NTNG1: variants seen among roughly 807,000 people sequenced by gnomAD.
NTNG1 encodes netrin-G1.
In NTNG1, 16 loss-of-function variants were observed where a neutral mutation model predicts 54.0. That is an observed-to-expected ratio of 0.30 (90% confidence interval 0.20 to 0.45). NTNG1 has a LOEUF of 0.45. Among genes scored for constraint, NTNG1 ranks in the 20% least tolerant of loss-of-function variants. The pLI is 1.00. For synonymous variants in NTNG1, 255 were observed against 263.1 expected (o/e 0.97, Z 0.30); for missense variants, 530 against 678.7 (o/e 0.78, Z 2.43).
chr1:107,447,056 G>A (rs989631506), intron 7 of NTNG1, among the ~76,000 whole-genome samples: 4 of 151,752 alleles, frequency 2.6e-5, no homozygotes, highest in African/African-American at 9.7e-5. Flanking sequence ...CAAAAGCATA[G>A]GATTAACATT....
intron 2 of NTNG1, among the ~76,000 whole-genome samples, chr1:107,214,340 G>C (rs1217552960): frequency 6.6e-6 from 1 of 152,048 alleles, no homozygotes; most frequent in Non-Finnish European, 1.5e-5. Context: ...TCATAGCTTA[G>C]CTCTCACTTA....
Position 107,421,234 on chromosome 1 carries a change from C to T in NTNG1, c.1088-9516C>T. 3 of 881,944 alleles carry T rather than the reference C, an allele frequency of 3.4e-6. No homozygotes were observed. The South Asian group carries it at 4.4e-5, about 13-fold the overall frequency. The allele number at this position is 881,944 out of a possible 1,614,324, so 54.6% of individuals were successfully genotyped here. On this transcript the variant is annotated intron_variant, in intron 5 of 7. Transcript: ENST00000370068. Reference sequence around the variant, plus strand: ...GAATCTGGAATATCTGTGAAGTGTACCCATCAGCTTATTGGTGAGGCATGT... The same window carrying T: ...GAATCTGGAATATCTGTGAAGTGTATCCATCAGCTTATTGGTGAGGCATGT...
At chr1:107,364,740 A>G (rs1335026390) in intron 3 of NTNG1, among the ~76,000 whole-genome samples, 2 of 152,194 alleles carry the variant, frequency 1.3e-5, no homozygotes, top group African/African-American at 4.8e-5. Context: ...ATGCTTATCT[A>G]CTCTGAATCA....
At chr1:107,153,913 A>C (rs780578756) in intron 2 of NTNG1, among the ~76,000 whole-genome samples, 12 of 152,208 alleles carry the variant, frequency 7.9e-5, no homozygotes, top group Non-Finnish European at 1.8e-4. Context: ...GGCAAATGTA[A>C]CAAAACCTAA....
intron 2 of NTNG1, among the ~76,000 whole-genome samples, chr1:107,318,261 C>A (rs1446515749): frequency 6.6e-6 from 1 of 152,154 alleles, no homozygotes; most frequent in Non-Finnish European, 1.5e-5. Flanking sequence ...AGAAGCTCCA[C>A]ACTCTGGATG....
chr1:107,171,284 T>G (rs1656219037), intron 2 of NTNG1, among the ~76,000 whole-genome samples: 1 of 152,106 alleles, frequency 6.6e-6, no homozygotes, highest in African/African-American at 2.4e-5. Context: ...TTTTTTCTCA[T>G]TGTATGTGTG....
intron 2 of NTNG1, among the ~76,000 whole-genome samples, chr1:107,301,747 G>A (rs181988072): frequency 1.3e-5 from 2 of 152,064 alleles, no homozygotes; most frequent in Non-Finnish European, 1.5e-5. Flanking sequence ...CAAGTTCAAC[G>A]TCATTTTAAT....
intron 6 of NTNG1, among the ~76,000 whole-genome samples, chr1:107,434,382 A>C (rs985662015): frequency 6.6e-6 from 1 of 152,210 alleles, no homozygotes; most frequent in Non-Finnish European, 1.5e-5. Context: ...CTCCAAAGAT[A>C]CATGTAATTA....
intron 2 of NTNG1, among the ~76,000 whole-genome samples, chr1:107,198,603 G>A (rs993682446): frequency 2.6e-5 from 4 of 151,804 alleles, no homozygotes; most frequent in African/African-American, 9.7e-5. Flanking sequence ...TGTGTTTTGG[G>A]GAGAGTAAAC....
intron 3 of NTNG1, among the ~76,000 whole-genome samples, chr1:107,356,082 T>G (rs1669916152): frequency 6.6e-6 from 1 of 152,166 alleles, no homozygotes; most frequent in Admixed American, 6.5e-5. Context: ...CTCACCTTTG[T>G]CACCTCAGTG....
intron 7 of NTNG1, among the ~76,000 whole-genome samples, chr1:107,459,758 C>A (rs573562342): frequency 2.0e-5 from 3 of 152,122 alleles, no homozygotes; most frequent in Non-Finnish European, 4.4e-5. Flanking sequence ...TAACCTAGAA[C>A]GTTGCTCAAA....
chr1:107,389,531 C>A (rs1057124932), intron 3 of NTNG1, among the ~76,000 whole-genome samples: 2 of 152,184 alleles, frequency 1.3e-5, no homozygotes, highest in African/African-American at 4.8e-5. Context: ...TGACTCATGA[C>A]AGCTGGTCAC....
At chr1:107,365,879 G>C (rs2100971610) in intron 3 of NTNG1, among the ~76,000 whole-genome samples, 1 of 152,236 alleles carries the variant, frequency 6.6e-6, no homozygotes, top group Middle Eastern at 3.4e-3. Flanking sequence ...AAACAGTATG[G>C]AATTAACCTC....
intron 3 of NTNG1, among the ~76,000 whole-genome samples, chr1:107,341,487 C>A (rs1156555860): frequency 6.6e-6 from 1 of 152,066 alleles, no homozygotes; most frequent in Non-Finnish European, 1.5e-5. Flanking sequence ...AGATTGGCTT[C>A]TTGAGCCCTG....
At chr1:107,408,416 G>A (rs1270663278) in intron 5 of NTNG1, 1 of 153,424 alleles carries the variant, frequency 6.5e-6, no homozygotes, top group Non-Finnish European at 1.5e-5. Context: ...TAATAAATCT[G>A]TTAGTATGAA....
At chr1:107,261,906 C>T (rs1201571744) in intron 2 of NTNG1, among the ~76,000 whole-genome samples, 1 of 152,160 alleles carries the variant, frequency 6.6e-6, no homozygotes, top group Non-Finnish European at 1.5e-5. Context: ...TTGTGAATTC[C>T]ACATTCTCAT....
intron 2 of NTNG1, among the ~76,000 whole-genome samples, chr1:107,259,157 C>T (rs1174342928): frequency 6.6e-6 from 1 of 152,048 alleles, no homozygotes; most frequent in Non-Finnish European, 1.5e-5. Context: ...ATTGTAAGTA[C>T]TTTATTATTC....
intron 2 of NTNG1, among the ~76,000 whole-genome samples, chr1:107,184,132 T>G (rs1657270109): frequency 6.6e-6 from 1 of 152,134 alleles, no homozygotes; most frequent in Non-Finnish European, 1.5e-5. Context: ...CTCATGACTT[T>G]GAAGTCTAGG....
At chr1:107,208,693 A>G (rs1323998235) in intron 2 of NTNG1, among the ~76,000 whole-genome samples, 1 of 152,058 alleles carries the variant, frequency 6.6e-6, no homozygotes, top group Non-Finnish European at 1.5e-5. Flanking sequence ...TGACCAAGGC[A>G]TTGTCCTTGG....
Sources: gnomAD v4.1 joint callset for allele counts (sites outside exome capture counted in the v4.1 genomes callset) on GRCh38, gnomAD v4.1.1 for gene constraint, MANE v1.5 for transcripts, NCBI Gene and HGNC (gene_info 2026-07-23, HGNC 2026-07-21) for gene names.